Variants in CFAP74 observed in about 807,000 individuals in gnomAD.
CFAP74 encodes cilia- and flagella-associated protein 74.
Under a neutral mutation model 188.9 loss-of-function variants are expected in CFAP74, and 124 were observed. The ratio of observed to expected loss-of-function variants is 0.66; its 90% CI spans 0.57 to 0.76. The LOEUF (loss-of-function observed/expected upper bound fraction) is 0.76. Ranked by LOEUF, CFAP74 falls within the 30% of genes least tolerant of loss-of-function variation. CFAP74 has a pLI of 0.00. For missense variants in CFAP74, 2,198 were observed against 2,165.2 expected, an observed-to-expected ratio of 1.02 and a Z score of -0.30; for synonymous variants, 956 against 916.7, an observed-to-expected ratio of 1.04 and a Z score of -0.77.
chr1:1,985,516 G>T, intron 5 of CFAP74, 26 bp from the exon 6 acceptor site: 1 of 1,574,462 alleles, frequency 6.4e-7, no homozygotes. Flanking sequence ...GACAGGCCGG[G>T]CGTGTGTCAG....
chr1:1,930,306 G>A lies in CFAP74; in HGVS notation c.3042C>T (p.Gly1014=), dbSNP rs955227907. Residue 1014 remains glycine (G), a synonymous_variant, in exon 26 of 39, where the codon GGC becomes GGT. Coordinates refer to ENST00000682832, the MANE Select transcript of CFAP74 (RefSeq NM_001304360.2). The part of the protein sequence containing the change: ...RCFKLSCRAV[G]VHPPLELSHY... ...GGGACAGCTCCAGGGGTGGGTGGAC[G>A]CCTACAGCCCGGCAAGACAGCTTGA... The A allele has an allele frequency of 1.3e-5, 20 of 1,530,364 alleles. No individual in the cohort carries two copies. Among genetic ancestry groups the A allele is most frequent in the East Asian group, 2.5e-5 (1 of 40,776 alleles). The allele number at this position is 1,530,364 out of a possible 1,614,324, so 94.8% of individuals were successfully genotyped here.
rs371178011 is a variant in CFAP74 at position 1,971,059 on chromosome 1, TCA to T, written c.889-245_889-244del. Among the ~76,000 whole-genome samples, 750 of 125,872 alleles carry T rather than the reference TCA, an allele frequency of 6.0e-3. 6 individuals carry two copies. Among genetic ancestry groups the T allele is most frequent in the Middle Eastern group, 0.021 (3 of 140 alleles). 82.6% of individuals were successfully genotyped at this position (125,872 alleles called of 152,430 possible). ...CCTGCACACACGTGCACACACATGC[TCA>T]CACACGCACACCTGCACACACTCAT... On this transcript the variant is annotated intron_variant, in intron 9 of 38. Coordinates refer to ENST00000682832, the MANE Select transcript of CFAP74 (RefSeq NM_001304360.2).
chr1:1,933,034 C>T lies in CFAP74; in HGVS notation c.3012-2698G>A, dbSNP rs143914607. Among the ~76,000 whole-genome samples the T allele has an allele frequency of 6.9e-3, 1,032 of 150,394 alleles. 8 individuals are homozygous for T. Among genetic ancestry groups the T allele is most frequent in the African/African-American group, 0.021 (867 of 40,794 alleles). ...CCGAGTAGCTGGGACTATAGGCGCC[C>T]GCCACCATGCCCGGCTAATTTTTTT... On this transcript the variant is annotated intron_variant, in intron 25 of 38. Coordinates refer to ENST00000682832, the MANE Select transcript of CFAP74 (RefSeq NM_001304360.2).
rs74862224 is a variant in CFAP74 at position 1,923,328 on chromosome 1, G to A, written c.4522+39C>T. ...CCCATCCACGGGACAGGGGCACCGG[G>A]AGGCCCCGTGTCTGTTCCCTCCCTG... On this transcript the variant is annotated intron_variant, in intron 36 of 38. Transcript: ENST00000682832. This position sits in a 1 kb window ranked among gnomAD's most constrained non-coding sequence, Gnocchi z 6.3. The A allele has an allele frequency of 5.8e-3, 8,914 of 1,534,430 alleles. 28 individuals are homozygous for A. The highest frequency in any genetic ancestry group is 6.9e-3 in the Non-Finnish European group (7,835 of 1,134,868).
intron 1 of CFAP74, among the ~76,000 whole-genome samples, chr1:1,993,959 G>A (rs1448966210): frequency 2.6e-5 from 4 of 151,138 alleles, no homozygotes; most frequent in South Asian, 2.1e-4. Context: ...TCCAGCCTGG[G>A]CGACAGAGCA....
At chr1:1,940,549 T>C (rs1653297599) in intron 22 of CFAP74, 146 bp from the exon 23 acceptor site, 1 of 607,806 alleles carries the variant, frequency 1.6e-6, no homozygotes, top group Admixed American at 3.4e-5. Flanking sequence ...CGCGCCGCCC[T>C]CCTGCTCTCG....
At chr1:1,931,909 T>C (rs577638519) in intron 25 of CFAP74, among the ~76,000 whole-genome samples, 53 of 138,636 alleles carry the variant, frequency 3.8e-4, no homozygotes, top group African/African-American at 1.3e-3. Flanking sequence ...CTGAAAAAAA[T>C]GCAAAAGTTA....
Position 1,942,680 on chromosome 1 carries a change from C to T in CFAP74, c.2487-524G>A, listed in dbSNP as rs879377760. ...CCCGCCAGTCACCTGGGAGGCCATG[C>T]GTCTGTCCGGTCCCTACCTCCGGCT... On this transcript the variant is annotated intron_variant, in intron 21 of 38. Coordinates refer to ENST00000682832, the MANE Select transcript of CFAP74 (RefSeq NM_001304360.2). The surrounding 1 kb of genome is among the most constrained non-coding windows in gnomAD (Gnocchi z 4.3). Among the ~76,000 whole-genome samples, 1 of 152,178 alleles carries T rather than the reference C, an allele frequency of 6.6e-6. No individual in the cohort carries two copies. Among genetic ancestry groups the T allele is most frequent in the Admixed American group, 6.5e-5 (1 of 15,286 alleles).
chr1:1,923,812 T>C lies in CFAP74; in HGVS notation c.4352A>G (p.Tyr1451Cys), dbSNP rs750094787. ...CACCACCTGGAGCTTGTCGGAGAAG[T>C]AGAGGCTTTCGTGGTCGGGGCTGAA... Reference protein sequence around the residue: ...VTFSPDHESLYFSDKLQVVLF... With the variant: ...VTFSPDHESLCFSDKLQVVLF... Residue 1451 changes from tyrosine to cysteine, a missense_variant, in exon 35 of 39, where the codon TAC becomes TGC. Tyr to Cys is a radical substitution (Grantham distance 194). Transcript: ENST00000682832. The surrounding 1 kb of genome is among the most constrained non-coding windows in gnomAD (Gnocchi z 6.3). 1 of 1,613,450 alleles carries C rather than the reference T, an allele frequency of 6.2e-7. No individual in the cohort carries two copies. The highest frequency in any genetic ancestry group is 8.5e-7 in the Non-Finnish European group (1 of 1,179,840).
intron 4 of CFAP74, chr1:1,987,893 G>A (rs1350614994): frequency 2.1e-5 from 7 of 332,312 alleles, no homozygotes; most frequent in Admixed American, 4.1e-5. Flanking sequence ...GAGGGAAATC[G>A]TAGTTTCCCC....
intron 23 of CFAP74, 29 bp downstream of exon 23, chr1:1,940,287 G>C (rs1225878523): frequency 1.3e-6 from 2 of 1,515,050 alleles, no homozygotes; most frequent in Non-Finnish European, 1.8e-6. Flanking sequence ...GGAGCGCCCA[G>C]CATCCCTGGG....
chr1:1,955,283 G>A (rs1256550090), intron 18 of CFAP74: 29 of 1,295,088 alleles, frequency 2.2e-5, no homozygotes, highest in Non-Finnish European at 2.2e-5. Context: ...GCATGGGGAG[G>A]GCAGGGCCCG....
intron 6 of CFAP74, among the ~76,000 whole-genome samples, chr1:1,979,017 G>A (rs374973496): frequency 1.3e-4 from 17 of 128,912 alleles, no homozygotes; most frequent in South Asian, 2.5e-4. Flanking sequence ...CACGTGTGTC[G>A]TGCTGAGCTG....
chr1:1,979,763 C>T (rs1351526702), intron 6 of CFAP74, among the ~76,000 whole-genome samples: 3 of 122,220 alleles, frequency 2.5e-5, no homozygotes, highest in Non-Finnish European at 3.6e-5. Flanking sequence ...GTGCAGAACA[C>T]GCGTGTGGTA....
In CFAP74 at chr1:1,968,400, T is replaced by A. The variant is rs1655631664; in HGVS notation, c.1245+235A>T. Among the ~76,000 whole-genome samples the A allele has an allele frequency of 6.6e-6, 1 of 151,964 alleles. No individual in the cohort carries two copies. Among genetic ancestry groups the A allele is most frequent in the Admixed American group, 6.5e-5 (1 of 15,272 alleles). On this transcript the variant is annotated intron_variant, in intron 11 of 38. Transcript: ENST00000682832. This position sits in a 1 kb window ranked among gnomAD's most constrained non-coding sequence, Gnocchi z 4.3. The stretch of plus-strand genomic sequence containing the variant: ...GGGCACACCGAGACCAGGAGGACAC[T>A]GGACCCTTGCTGGGGATGCTGCGGC...
At chr1:1,940,037 G>A (rs919432462) in intron 23 of CFAP74, among the ~76,000 whole-genome samples, 18 of 152,368 alleles carry the variant, frequency 1.2e-4, no homozygotes, top group African/African-American at 3.8e-4. Flanking sequence ...GCGCATAGAC[G>A]TGTGCAGCTG....
Position 1,971,981 on chromosome 1 carries a change from C to G in CFAP74, c.887G>C (p.Arg296Pro). The change falls in exon 9 of 39, where the codon CGG becomes CCG. Residue 296 changes from arginine (R) to proline (P), a missense_variant and splice_region_variant. By Grantham distance (103) the Arg-to-Pro change is moderately radical (BLOSUM62 -2). Transcript: ENST00000682832. ...CTGGGTGGGGCTGCGGGGGCCTACC[C>G]GGTTCGCGGAGATGCTGCCCTTCAG... The part of the protein sequence containing the change: ...VALKGSISAN[R>P]DTLRKFQAWD... The G allele has an allele frequency of 2.5e-6, 4 of 1,608,122 alleles. No homozygotes were observed. Among genetic ancestry groups the G allele is most frequent in the Non-Finnish European group, 3.4e-6 (4 of 1,179,244 alleles).
At chr1:1,960,206 C>A (rs1000726926) in intron 14 of CFAP74, 176 bp from the exon 15 acceptor site, 2 of 605,482 alleles carry the variant, frequency 3.3e-6, no homozygotes, top group African/African-American at 4.0e-5. Context: ...TCCCTGCTGC[C>A]GCCAGTACCT....
intron 18 of CFAP74, chr1:1,953,572 C>G (rs1017109012): frequency 6.5e-6 from 1 of 153,638 alleles, no homozygotes; most frequent in Non-Finnish European, 1.5e-5. Context: ...TCTGGGATTA[C>G]AGGCATGAGC....
Sources: gnomAD v4.1 joint callset for allele counts (sites outside exome capture counted in the v4.1 genomes callset) on GRCh38, gnomAD v4.1.1 for gene constraint, Gnocchi (gnomAD v3.1) non-coding constraint, MANE v1.5 for transcripts, NCBI Gene and HGNC (gene_info 2026-07-23, HGNC 2026-07-21) for gene names.